The following PRKG1 variants were observed in gnomAD, a reference collection of about 807,000 sequenced individuals.
PRKG1 encodes the protein cGMP-dependent protein kinase 1.
A neutral mutation model predicts 88.1 loss-of-function variants in PRKG1; 35 were observed. The ratio of observed to expected loss-of-function variants is 0.40; its 90% CI spans 0.30 to 0.53. The LOEUF is 0.53. Ranked by LOEUF, PRKG1 falls within the 20% of genes least tolerant of loss-of-function variation. PRKG1 has a pLI of 0.59. For synonymous variants in PRKG1, 303 were observed against 292.5 expected (o/e 1.04, Z -0.37); for missense variants, 540 against 839.8 (o/e 0.64, Z 4.41).
intron 3 of PRKG1, among the ~76,000 whole-genome samples, chr10:51,606,802 C>G (rs935894971): frequency 2.3e-4 from 35 of 152,128 alleles, no homozygotes; most frequent in African/African-American, 8.2e-4. Context: ...AACAATTGTT[C>G]CTGGAATGAG....
chr10:51,776,815 ACT>A (rs929308581), intron 3 of PRKG1, among the ~76,000 whole-genome samples: 2 of 152,048 alleles, frequency 1.3e-5, no homozygotes, highest in African/African-American at 4.8e-5. Context: ...ACAGAGCAAG[ACT>A]CTGTCTCAAA....
chr10:51,170,645 A>G (rs1454609399), intron 2 of PRKG1, among the ~76,000 whole-genome samples: 2 of 151,582 alleles, frequency 1.3e-5, no homozygotes, highest in Non-Finnish European at 2.9e-5. Context: ...ATTTGGGGAG[A>G]AGAGCATTTT....
rs773947500 is a variant in PRKG1, at chr10:51,530,342, C to A, written c.592+62506C>A. Reference sequence around the variant, plus strand: ...TTAAAATTATTAAAGGAAGAAATATCACTTCAGCTTTTCTTCATATAGCAG... The same window carrying A: ...TTAAAATTATTAAAGGAAGAAATATAACTTCAGCTTTTCTTCATATAGCAG... On this transcript the variant is annotated intron_variant, in intron 3 of 17. Transcript: ENST00000373980. Among the ~76,000 whole-genome samples the A allele has an allele frequency of 9.8e-4, 149 of 152,156 alleles. 3 individuals are homozygous for A. The Middle Eastern group carries it at 0.044, about 45-fold the overall frequency.
chr10:51,153,425 AT>A (rs1846128277), intron 2 of PRKG1, 95 bp downstream of exon 2: 6 of 1,218,484 alleles, frequency 4.9e-6, no homozygotes, highest in Non-Finnish European at 1.1e-6. Context: ...GGAAAATTCC[AT>A]TTTTCCTTCT....
intron 2 of PRKG1, among the ~76,000 whole-genome samples, chr10:51,434,338 G>A (rs1276885743): frequency 1.3e-5 from 2 of 152,086 alleles, no homozygotes; most frequent in Admixed American, 6.6e-5. Flanking sequence ...ACGAAGTAGC[G>A]ATTGAAAGGG....
At chr10:52,118,871 T>A (rs989652021) in intron 7 of PRKG1, among the ~76,000 whole-genome samples, 10 of 152,076 alleles carry the variant, frequency 6.6e-5, no homozygotes, top group Non-Finnish European at 1.3e-4. Flanking sequence ...ACCAAAAAAC[T>A]TTTTTCCAAT....
intron 1 of PRKG1, among the ~76,000 whole-genome samples, chr10:51,095,655 C>G (rs554708491): frequency 6.6e-6 from 1 of 152,258 alleles, no homozygotes; most frequent in Non-Finnish European, 1.5e-5. Context: ...TGCTTTTAGA[C>G]AAACTCAAGT....
At chr10:51,296,008 A>T (rs147527666) in intron 2 of PRKG1, among the ~76,000 whole-genome samples, 40 of 152,022 alleles carry the variant, frequency 2.6e-4, no homozygotes, top group Non-Finnish European at 4.6e-4. Context: ...CCATCTTTAC[A>T]CCCCAGGGAT....
At chr10:51,078,303 C>G (rs1257803215) in intron 1 of PRKG1, among the ~76,000 whole-genome samples, 1 of 151,948 alleles carries the variant, frequency 6.6e-6, no homozygotes, top group Non-Finnish European at 1.5e-5. Flanking sequence ...ACTGTAACCT[C>G]CGCCTCCAGG....
At chr10:52,176,173 CTTTTTTTTTTTT>C (rs140722137) in intron 9 of PRKG1, among the ~76,000 whole-genome samples, 2 of 95,674 alleles carry the variant, frequency 2.1e-5, no homozygotes, top group Non-Finnish European at 4.1e-5. Context: ...TTCTTTTTCT[CTTTTTTTTTTTT>C]TTTTTTTTTG....
At chr10:51,374,942 C>T (rs542364042) in intron 2 of PRKG1, among the ~76,000 whole-genome samples, 1 of 152,200 alleles carries the variant, frequency 6.6e-6, no homozygotes, top group South Asian at 2.1e-4. Flanking sequence ...GTGGGCCTCT[C>T]CATATGGCAG....
At chr10:51,578,598 C>G (rs12240575) in intron 3 of PRKG1, among the ~76,000 whole-genome samples, 5 of 152,214 alleles carry the variant, frequency 3.3e-5, no homozygotes, top group African/African-American at 1.2e-4. Flanking sequence ...ATTAGTGAAA[C>G]CAAGAGAAGG....
At chr10:51,693,058 C>T (rs1347217520) in intron 3 of PRKG1, among the ~76,000 whole-genome samples, 4 of 151,840 alleles carry the variant, frequency 2.6e-5, no homozygotes, top group African/African-American at 9.7e-5. Context: ...AGGGCCAAGG[C>T]GGGTGGATCA....
intron 2 of PRKG1, among the ~76,000 whole-genome samples, chr10:51,406,621 GTTTT>G (rs34189565): frequency 0.021 from 2,945 of 141,978 alleles, 74 homozygotes; most frequent in Middle Eastern, 0.063. Flanking sequence ...CATTATGTTT[GTTTT>G]TTTTTTTTTT....
chr10:52,031,698 G>C (rs955357966), intron 5 of PRKG1, among the ~76,000 whole-genome samples: 4 of 151,924 alleles, frequency 2.6e-5, no homozygotes, highest in African/African-American at 9.7e-5. Context: ...GGAGATGGAG[G>C]GTAGAAATAT....
chr10:51,906,241 A>T (rs1842083324), intron 4 of PRKG1, among the ~76,000 whole-genome samples: 1 of 152,136 alleles, frequency 6.6e-6, no homozygotes, highest in Non-Finnish European at 1.5e-5. Flanking sequence ...CAGAGGAGAG[A>T]GTGTTTTTCT....
chr10:51,848,860 T>G (rs893294312), intron 4 of PRKG1, among the ~76,000 whole-genome samples: 19 of 151,886 alleles, frequency 1.3e-4, no homozygotes, highest in African/African-American at 3.9e-4. Flanking sequence ...TATTTTTTTT[T>G]TTTTTTTAAC....
At chr10:51,279,273 G>T (rs1840223484) in intron 2 of PRKG1, among the ~76,000 whole-genome samples, 1 of 152,174 alleles carries the variant, frequency 6.6e-6, no homozygotes, top group South Asian at 2.1e-4. Flanking sequence ...TTTTGAGTGA[G>T]TTTCTTAATC....
intron 2 of PRKG1, among the ~76,000 whole-genome samples, chr10:51,331,264 C>T (rs758768791): frequency 1.1e-4 from 17 of 151,976 alleles, no homozygotes; most frequent in Non-Finnish European, 1.8e-4. Context: ...GCCAGGACTG[C>T]CTGCTGCTGA....
Sources: gnomAD v4.1 joint callset for allele counts (sites outside exome capture counted in the v4.1 genomes callset) on GRCh38, gnomAD v4.1.1 for gene constraint, MANE v1.5 for transcripts, NCBI Gene and HGNC (gene_info 2026-07-23, HGNC 2026-07-21) for gene names.